Variants in MTSS2 observed in about 807,000 individuals in gnomAD.
The protein encoded by MTSS2 is MTSS I-BAR domain containing 2, also known as protein MTSS 2.
A neutral mutation model predicts 67.1 loss-of-function variants in MTSS2; 27 were observed. The ratio of observed to expected loss-of-function variants is 0.40; its 90% CI spans 0.30 to 0.55. The LOEUF (loss-of-function observed/expected upper bound fraction) is 0.55, where lower values mean the gene tolerates loss of function less well. Among genes scored for constraint, MTSS2 ranks in the 20% least tolerant of loss-of-function variants. The pLI is 0.43. For synonymous variants in MTSS2, 624 were observed against 468.6 expected, an observed-to-expected ratio of 1.33 and a Z score of -4.28; for missense variants, 1,171 against 1,067.8, an observed-to-expected ratio of 1.10 and a Z score of -1.35.
In MTSS2 at chr16:70,680,966, C is replaced by A; in HGVS notation, c.129G>T (p.Leu43=). The A allele has an allele frequency of 1.2e-6, 2 of 1,605,214 alleles. No individual in the cohort carries two copies. The highest frequency in any genetic ancestry group is 1.7e-6 in the Non-Finnish European group (2 of 1,176,584). The part of the protein sequence containing the change: ...NSKATKLHSQ[L]RTTVLAAVAF... ...TGGGGTGCCCTGGGCCACCTCACCT[C>A]AGCTGGGAATGCAGCTTCGTGGCCT... Residue 43 remains leucine (L), a splice_region_variant and synonymous_variant, in exon 2 of 15, where the codon CTG becomes CTT. Coordinates refer to ENST00000338779, the MANE Select transcript of MTSS2 (RefSeq NM_138383.3).
intron 3 of MTSS2, among the ~76,000 whole-genome samples, 186 bp from the exon 4 acceptor site, chr16:70,680,241 G>A (rs541144703): frequency 1.2e-3 from 183 of 152,056 alleles, no homozygotes; most frequent in African/African-American, 3.8e-3. Context: ...CTCTTCCTCC[G>A]CCATCCCAGC....
chr16:70,676,971 T>C lies in MTSS2; in HGVS notation c.740A>G (p.Lys247Arg), dbSNP rs374743012. The change falls in exon 10 of 15, where the codon AAA (lysine) becomes AGA (arginine). Residue 247 changes from lysine to arginine, a missense_variant. Lys to Arg is a conservative substitution (Grantham distance 26). This residue lies in a region of MTSS2 where 924 missense variants were observed against 756.0 expected (regional missense o/e 1.22). Transcript: ENST00000338779. The part of the protein sequence containing the change: ...KLPPASEQVI[K>R]DLKGSDYSWS... Reference sequence around the variant, plus strand: ...GCTGTAGTCCGAGCCCTTTAGGTCTTTGATTACCTGGACAGGGACATGGAT... The same window carrying C: ...GCTGTAGTCCGAGCCCTTTAGGTCTCTGATTACCTGGACAGGGACATGGAT... The C allele has an allele frequency of 3.7e-6, 6 of 1,613,570 alleles. No individual in the cohort carries two copies. The highest frequency in any genetic ancestry group is 5.1e-6 in the Non-Finnish European group (6 of 1,179,792).
At chr16:70,665,432 G>T in intron 12 of MTSS2, 34 bp downstream of exon 12, 1 of 1,539,638 alleles carries the variant, frequency 6.5e-7, no homozygotes. Context: ...GGGGCAGCTG[G>T]TGACTGTCCT....
intron 5 of MTSS2, 33 bp downstream of exon 5, chr16:70,679,753 G>A (rs1353400689): frequency 6.2e-7 from 1 of 1,610,262 alleles, no homozygotes; most frequent in South Asian, 1.1e-5. Context: ...TGCGGAGTGG[G>A]GGGTGGGAAG....
chr16:70,680,918 G>GGGGGGGGGGGGGGGCCCC, intron 2 of MTSS2, 46 bp downstream of exon 2: 2 of 1,097,866 alleles, frequency 1.8e-6, no homozygotes, highest in Non-Finnish European at 1.3e-6. Flanking sequence ...CGGGGGGGGG[G>GGGGGGGGGGGGGGGCCCC]CCTCTGCCTG....
chr16:70,665,642 G>A (rs1233626529), intron 11 of MTSS2, 102 bp from the exon 12 acceptor site: 19 of 1,026,162 alleles, frequency 1.9e-5, no homozygotes, highest in East Asian at 5.3e-5. Context: ...CATGCAGGGG[G>A]GCGGTTCAAT....
intron 11 of MTSS2, among the ~76,000 whole-genome samples, chr16:70,666,095 G>A (rs981147859): frequency 2.0e-5 from 3 of 152,194 alleles, no homozygotes; most frequent in Non-Finnish European, 2.9e-5. Flanking sequence ...GGCAGCGAGT[G>A]CAGTTAGACA....
At chr16:70,681,783 G>T (rs911935765) in intron 1 of MTSS2, among the ~76,000 whole-genome samples, 6 of 152,226 alleles carry the variant, frequency 3.9e-5, no homozygotes, top group South Asian at 4.1e-4. Flanking sequence ...CAATAGGGAG[G>T]TCGGGCTCCT....
At chr16:70,669,821 A>G (rs1436925469) in intron 11 of MTSS2, among the ~76,000 whole-genome samples, 1 of 151,850 alleles carries the variant, frequency 6.6e-6, no homozygotes, top group African/African-American at 2.4e-5. Context: ...TGTCTCATAA[A>G]AAAAAAAGTA....
intron 11 of MTSS2, among the ~76,000 whole-genome samples, chr16:70,666,987 G>C (rs922710019): frequency 6.6e-6 from 1 of 152,148 alleles, no homozygotes; most frequent in Non-Finnish European, 1.5e-5. Flanking sequence ...GGAAAGAAAA[G>C]AAAGAAGGCC....
In MTSS2 at chr16:70,679,861, G is replaced by A; in HGVS notation, c.307C>T (p.Leu103Phe). 6.2e-7 allele frequency: 1 copy of A among 1,602,652 alleles called. No individual in the cohort carries two copies. Among genetic ancestry groups the A allele is most frequent in the Non-Finnish European group, 8.5e-7 (1 of 1,179,260 alleles). ...ATGCGCTCCTGCAGCGGGTTGATGA[G>A]GCTCTCCAGCAGTGCGCTGCGGAGG... ...RQFTNALLES[L>F]INPLQERIED... is the part of the protein sequence containing the mutation. The change falls in exon 5 of 15, where the codon CTC (leucine) becomes TTC (phenylalanine). Residue 103 changes from leucine to phenylalanine, a missense_variant. Leu to Phe is a conservative substitution (Grantham distance 22). Transcript: ENST00000338779.
chr16:70,664,636 G>C lies in MTSS2; in HGVS notation c.1433C>G (p.Thr478Ser), dbSNP rs767411883. Residue 478 changes from threonine (T) to serine (S), a missense_variant, in exon 14 of 15, where the codon ACC becomes AGC. Around this residue, in one of 2 missense-constraint regions of MTSS2, gnomAD observed 924 missense variants for 756.0 expected, o/e 1.22. Transcript: ENST00000338779. ...GGTGTCCTCAGAGCAGGAGGGCGTG[G>C]TGGTCTGCGTGCTGTAGCCGCTGGA... Reference protein sequence around the residue: ...QYSSGYSTQTTTPSCSEDTIP... With the variant: ...QYSSGYSTQTSTPSCSEDTIP... 6.2e-7 allele frequency: 1 copy of C among 1,613,334 alleles called. No individual in the cohort carries two copies. Among genetic ancestry groups the C allele is most frequent in the East Asian group, 2.2e-5 (1 of 44,876 alleles).
chr16:70,679,719 A>G lies in MTSS2; in HGVS notation c.383-15T>C. On this transcript the variant is annotated splice_polypyrimidine_tract_variant and intron_variant, in intron 5 of 14. Transcript: ENST00000338779. ...TCGTTTGTACTCTGCAGAAGGGGAG[A>G]GCGGAGCGCTCTAATGGGGTCCCTG... 1.2e-6 allele frequency: 2 copies of G among 1,610,486 alleles called. No individual in the cohort carries two copies. The highest frequency in any genetic ancestry group is 1.7e-6 in the Non-Finnish European group (2 of 1,178,548).
intron 6 of MTSS2, 87 bp downstream of exon 6, chr16:70,679,543 G>C: frequency 7.0e-7 from 1 of 1,421,746 alleles, no homozygotes; most frequent in Non-Finnish European, 9.5e-7. Context: ...CTCTGGCTGG[G>C]ATGAAGGCTT....
chr16:70,668,039 G>A (rs991754426), intron 11 of MTSS2, among the ~76,000 whole-genome samples: 1 of 150,710 alleles, frequency 6.6e-6, no homozygotes, highest in Admixed American at 6.6e-5. Flanking sequence ...CATGGAAATG[G>A]AAAGGGCCGA....
chr16:70,665,566 T>C, intron 11 of MTSS2, 26 bp from the exon 12 acceptor site: 1 of 1,539,656 alleles, frequency 6.5e-7, no homozygotes, highest in Non-Finnish European at 8.8e-7. Flanking sequence ...CAGCAGGCGG[T>C]TGCAGACAGA....
intron 7 of MTSS2, 37 bp downstream of exon 7, chr16:70,679,278 C>T (rs765748923): frequency 3.8e-5 from 62 of 1,612,576 alleles, no homozygotes; most frequent in Non-Finnish European, 4.8e-5. Context: ...GCGACAAGGA[C>T]GGGAGGAGCA....
At position 70,663,755 on chromosome 16, in the gene MTSS2, G is replaced by A. The variant is rs1473870241; in HGVS notation, c.2166C>T (p.Asp722=). ...CCCCACGCCGGATGGCCACCAGCATGTCTTCGGCCGGGGGGTCGCTGGTGG... is the reference window on the plus strand; with the variant it reads ...CCCCACGCCGGATGGCCACCAGCATATCTTCGGCCGGGGGGTCGCTGGTGG... The part of the protein sequence containing the change: ...PAATSDPPAE[D]MLVAIRRGVR... Residue 722 remains aspartate, a synonymous_variant, in exon 15 of 15, where the codon GAC becomes GAT. Coordinates refer to ENST00000338779, the MANE Select transcript of MTSS2 (RefSeq NM_138383.3). The A allele has an allele frequency of 1.9e-6, 3 of 1,555,716 alleles. No individual in the cohort carries two copies. Among genetic ancestry groups the A allele is most frequent in the Admixed American group, 3.8e-5 (2 of 52,364 alleles).
intron 11 of MTSS2, among the ~76,000 whole-genome samples, chr16:70,670,620 AAAG>A (rs1300732015): frequency 2.2e-4 from 34 of 152,200 alleles, no homozygotes; most frequent in Admixed American, 2.2e-3. Flanking sequence ...AACTGAGCAA[AAAG>A]AAGCCAGACA....
Sources: allele counts gnomAD v4.1 joint callset (sites outside exome capture counted in the v4.1 genomes callset), GRCh38; gene constraint gnomAD v4.1.1; regional missense constraint gnomAD v4.1.1; transcripts MANE v1.5; gene names NCBI Gene and HGNC (gene_info 2026-07-23, HGNC 2026-07-21).